ZFYVE16: variants seen among roughly 807,000 people sequenced by gnomAD.
ZFYVE16 encodes the protein zinc finger FYVE domain-containing protein 16.
Under a neutral mutation model 138.1 loss-of-function variants are expected in ZFYVE16, and 89 were observed. That is an observed-to-expected ratio of 0.64 (90% CI 0.54 to 0.77). The LOEUF (loss-of-function observed/expected upper bound fraction) is 0.77. Among genes scored for constraint, ZFYVE16 ranks in the 30% least tolerant of loss-of-function variants. The pLI is 0.00. For missense variants in ZFYVE16, 1,793 were observed against 1,786.7 expected, an observed-to-expected ratio of 1.00 and a Z score of -0.06; for synonymous variants, 596 against 618.3, an observed-to-expected ratio of 0.96 and a Z score of 0.53.
rs1754614123 is a variant in ZFYVE16, at chr5:80,473,759, T to C, written c.4193T>C (p.Ile1398Thr). The C allele has an allele frequency of 3.1e-6, 5 of 1,605,578 alleles. No homozygotes were observed. Among genetic ancestry groups the C allele is most frequent in the Non-Finnish European group, 4.3e-6 (5 of 1,174,238 alleles). ...DAEEKGNKGV[I>T]SSVDGISLQG... ...TATTATGTTTTATTTCATAGAGTTA[T>C]CAGTTCAGTGGATGGAATATCATTA... is the stretch of plus-strand genomic sequence containing the variant. Residue 1398 changes from isoleucine to threonine, a missense_variant, in exon 17 of 19, where the codon ATC becomes ACC. Ile to Thr is a moderately conservative substitution (Grantham distance 89). Coordinates refer to ENST00000505560, the MANE Select transcript of ZFYVE16 (RefSeq NM_001284236.3).
chr5:80,419,193 C>T (rs1746715117), intron 1 of ZFYVE16, among the ~76,000 whole-genome samples: 1 of 151,854 alleles, frequency 6.6e-6, no homozygotes, highest in Non-Finnish European at 1.5e-5. Context: ...ATTCTCCCAC[C>T]TCAGCCTCCC....
At position 80,480,421 on chromosome 5, in the gene ZFYVE16, A is replaced by G. The variant is rs775361653; in HGVS notation, c.*3044A>G. On this transcript the variant is annotated 3_prime_UTR_variant, in exon 19 of 19. Coordinates refer to ENST00000505560, the MANE Select transcript of ZFYVE16 (RefSeq NM_001284236.3). ...GAAACTATTCACAGTGCACCATGGG[A>G]GAAACAGCTGGAAAAAAAAACAGAA... Among the ~76,000 whole-genome samples, 8 of 89,190 alleles carry G rather than the reference A, an allele frequency of 9.0e-5. No individual in the cohort carries two copies. The highest frequency in any genetic ancestry group is 5.3e-3 in the Middle Eastern group (1 of 190). The allele number at this position is 89,190 out of a possible 152,430, so 58.5% of individuals were successfully genotyped here.
At chr5:80,412,797 CTAT>C (rs1745641329) in intron 1 of ZFYVE16, among the ~76,000 whole-genome samples, 1 of 152,126 alleles carries the variant, frequency 6.6e-6, no homozygotes, top group African/African-American at 2.4e-5. Context: ...CTACTTTTTA[CTAT>C]TATGTTTATT....
intron 1 of ZFYVE16, among the ~76,000 whole-genome samples, chr5:80,412,855 A>G (rs1745649448): frequency 6.6e-6 from 1 of 152,244 alleles, no homozygotes; most frequent in African/African-American, 2.4e-5. Flanking sequence ...CTGTACATAA[A>G]CAGTCAAATA....
chr5:80,447,266 C>CAAA (rs56836828), intron 7 of ZFYVE16, among the ~76,000 whole-genome samples: 4 of 69,258 alleles, frequency 5.8e-5, no homozygotes, highest in African/African-American at 1.5e-4. Flanking sequence ...GACTCCATCT[C>CAAA]AAAAAAAAAA....
intron 15 of ZFYVE16, among the ~76,000 whole-genome samples, chr5:80,462,752 C>G (rs993385258): frequency 5.9e-5 from 9 of 152,198 alleles, no homozygotes; most frequent in African/African-American, 2.2e-4. Context: ...CTTGTAAAAT[C>G]AAGAGCAAGT....
At chr5:80,415,109 T>G (rs1480767975) in intron 1 of ZFYVE16, among the ~76,000 whole-genome samples, 1 of 152,256 alleles carries the variant, frequency 6.6e-6, no homozygotes, top group Non-Finnish European at 1.5e-5. Context: ...TCTAATATTT[T>G]CTCTCCTGTT....
chr5:80,448,131 G>C lies in ZFYVE16; in HGVS notation c.2830G>C (p.Val944Leu). Residue 944 changes from valine to leucine, a missense_variant, in exon 8 of 19, where the codon GTT (valine) becomes CTT (leucine). By Grantham distance (32) the Val-to-Leu change is conservative (BLOSUM62 1). This residue lies in a region of ZFYVE16 where 1,295 missense variants were observed against 1,204.3 expected (regional missense o/e 1.08). Transcript: ENST00000505560. ...NEIIQSPISQ[V>L]PSVEKLSMNT... ...GATAATTCAGAGTCCTATTTCTCAG[G>C]TTCCATCAGTGGAAAAATTGTCTAT... 6.2e-7 allele frequency: 1 copy of C among 1,613,922 alleles called. No homozygotes were observed. The highest frequency in any genetic ancestry group is 8.5e-7 in the Non-Finnish European group (1 of 1,179,944).
At chr5:80,411,073 T>C (rs1298583771) in intron 1 of ZFYVE16, among the ~76,000 whole-genome samples, 1 of 151,724 alleles carries the variant, frequency 6.6e-6, no homozygotes, top group African/African-American at 2.4e-5. Context: ...GTTCAAGCGA[T>C]TCTCCTGCTT....
At chr5:80,470,394 C>T (rs1470106817) in intron 15 of ZFYVE16, among the ~76,000 whole-genome samples, 5 of 152,076 alleles carry the variant, frequency 3.3e-5, no homozygotes, top group Admixed American at 3.3e-4. Flanking sequence ...AGCCACCGCA[C>T]CCAGACTCTT....
chr5:80,410,671 A>C (rs1234837691), intron 1 of ZFYVE16, among the ~76,000 whole-genome samples: 1 of 151,620 alleles, frequency 6.6e-6, no homozygotes, highest in East Asian at 2.0e-4. Flanking sequence ...CCCGGGTTCA[A>C]GGGATTCTCC....
At chr5:80,414,161 A>G (rs1173483172) in intron 1 of ZFYVE16, among the ~76,000 whole-genome samples, 2 of 152,082 alleles carry the variant, frequency 1.3e-5, no homozygotes, top group African/African-American at 2.4e-5. Context: ...TAAATGTTTT[A>G]TATCTTTTTA....
Position 80,438,335 on chromosome 5 carries a change from T to A in ZFYVE16, c.1650T>A (p.Phe550Leu). 1 of 1,613,584 alleles carries A rather than the reference T, an allele frequency of 6.2e-7. No homozygotes were observed. The highest frequency in any genetic ancestry group is 8.5e-7 in the Non-Finnish European group (1 of 1,179,864). Residue 550 changes from phenylalanine (F) to leucine (L), a missense_variant, in exon 4 of 19, where the codon TTT (phenylalanine) becomes TTA (leucine). Transcript: ENST00000505560. ...QYLQTTNIKS[F>L]EENVNDSKSQ... ...TTCAGACCACTAACATAAAGTCTTT[T>A]GAAGAAAATGTAAATGACTCTAAAT...
At chr5:80,470,145 A>C in intron 15 of ZFYVE16, among the ~76,000 whole-genome samples, 1 of 122,664 alleles carries the variant, frequency 8.2e-6, no homozygotes, top group Admixed American at 1.0e-4. Context: ...CCTTTCACCC[A>C]GGCTGGAGTG....
chr5:80,432,655 C>T (rs1749239926), intron 2 of ZFYVE16, among the ~76,000 whole-genome samples: 1 of 152,112 alleles, frequency 6.6e-6, no homozygotes, highest in African/African-American at 2.4e-5. Flanking sequence ...AGGCAACCTA[C>T]AGAATGGGAG....
intron 2 of ZFYVE16, among the ~76,000 whole-genome samples, chr5:80,433,089 A>G (rs923898453): frequency 6.6e-6 from 1 of 152,228 alleles, no homozygotes; most frequent in East Asian, 1.9e-4. Context: ...ATTACTGGGT[A>G]TATACCCAAA....
chr5:80,450,701 T>C (rs990176852), intron 10 of ZFYVE16, 115 bp downstream of exon 10: 8 of 1,040,526 alleles, frequency 7.7e-6, no homozygotes, highest in Middle Eastern at 4.4e-4. Flanking sequence ...AAGAGATTGC[T>C]GATTTCTGAA....
intron 2 of ZFYVE16, among the ~76,000 whole-genome samples, chr5:80,428,553 C>T (rs189252405): frequency 1.3e-5 from 2 of 152,310 alleles, no homozygotes; most frequent in East Asian, 1.9e-4. Context: ...GAGTGCTTCT[C>T]CTCCCCCAAA....
chr5:80,433,999 T>C, intron 2 of ZFYVE16, 110 bp from the exon 3 acceptor site: 1 of 734,324 alleles, frequency 1.4e-6, no homozygotes. Context: ...GCAGCACTCT[T>C]AAATTTTATT....
Sources: gnomAD v4.1 joint callset for allele counts (sites outside exome capture counted in the v4.1 genomes callset) on GRCh38, gnomAD v4.1.1 for gene constraint, gnomAD v4.1.1 regional missense constraint, MANE v1.5 for transcripts, NCBI Gene and HGNC (gene_info 2026-07-23, HGNC 2026-07-21) for gene names.